Variants in KCTD16 observed in about 807,000 individuals in gnomAD.
KCTD16 encodes potassium channel tetramerization domain containing 16, also known as BTB/POZ domain-containing protein KCTD16.
KCTD16 carries 13 observed loss-of-function variants against 33.2 expected under a neutral mutation model. That is an observed-to-expected ratio of 0.39 (90% CI 0.25 to 0.62). The LOEUF is 0.62. Among genes scored for constraint, KCTD16 ranks in the 20% least tolerant of loss-of-function variants. The pLI is 0.50. For synonymous variants in KCTD16, 197 were observed against 195.3 expected, an observed-to-expected ratio of 1.01 and a Z score of -0.07; for missense variants, 441 against 525.1, an observed-to-expected ratio of 0.84 and a Z score of 1.57.
chr5:144,430,778 T>C (rs1483366646), intron 3 of KCTD16, among the ~76,000 whole-genome samples: 2 of 151,658 alleles, frequency 1.3e-5, no homozygotes, highest in Non-Finnish European at 2.9e-5. Flanking sequence ...GTGAGGATAC[T>C]GATCCAGCCT....
intron 3 of KCTD16, among the ~76,000 whole-genome samples, chr5:144,323,312 C>A (rs1752123628): frequency 6.6e-6 from 1 of 152,034 alleles, no homozygotes. Context: ...TTATTGAATA[C>A]CATGTAAGTC....
chr5:144,184,438 C>G (rs547794627), intron 2 of KCTD16, among the ~76,000 whole-genome samples: 1 of 152,264 alleles, frequency 6.6e-6, no homozygotes, highest in African/African-American at 2.4e-5. Flanking sequence ...TTGCTTCCAT[C>G]TTTTAGCTCT....
intron 3 of KCTD16, among the ~76,000 whole-genome samples, chr5:144,330,232 G>A (rs532852139): frequency 2.8e-4 from 42 of 152,004 alleles, no homozygotes; most frequent in Non-Finnish European, 5.6e-4. Flanking sequence ...GACCAATATG[G>A]TGAAACCCCG....
chr5:144,427,052 A>G (rs889736771), intron 3 of KCTD16, among the ~76,000 whole-genome samples: 2 of 152,104 alleles, frequency 1.3e-5, no homozygotes, highest in African/African-American at 4.8e-5. Context: ...TTCCTGGAAC[A>G]CTTTGGCCTA....
At chr5:144,187,611 T>C (rs1490540816) in intron 2 of KCTD16, among the ~76,000 whole-genome samples, 1 of 152,242 alleles carries the variant, frequency 6.6e-6, no homozygotes, top group Non-Finnish European at 1.5e-5. Flanking sequence ...CACTGAATCA[T>C]TAATGACTTG....
intron 3 of KCTD16, among the ~76,000 whole-genome samples, chr5:144,277,300 C>T (rs894502018): frequency 1.3e-5 from 2 of 152,038 alleles, no homozygotes; most frequent in African/African-American, 2.4e-5. Context: ...ATGATGATGA[C>T]GACGATGATG....
chr5:144,276,320 A>G (rs1280339889), intron 3 of KCTD16, among the ~76,000 whole-genome samples: 6 of 152,170 alleles, frequency 3.9e-5, no homozygotes, highest in African/African-American at 1.4e-4. Context: ...TTATAGCTTT[A>G]GTTCACTTAT....
At chr5:144,419,109 A>T (rs896036662) in intron 3 of KCTD16, among the ~76,000 whole-genome samples, 1 of 151,896 alleles carries the variant, frequency 6.6e-6, no homozygotes, top group African/African-American at 2.4e-5. Context: ...TCAAAATACT[A>T]CTCTTACGAT....
chr5:144,474,009 G>A lies in KCTD16; in HGVS notation c.1182G>A (p.Glu394=). ...AAGAAAAGCTCTCAATTGAGGAGGA[G>A]CTGGAGAAATGTATCCAGGATTTCC... ...AVKEKLSIEE[E]LEKCIQDFLK... Residue 394 remains glutamate (E), a synonymous_variant, in exon 4 of 4, where the codon GAG becomes GAA. Coordinates refer to ENST00000512467, the MANE Select transcript of KCTD16 (RefSeq NM_020768.4). The A allele has an allele frequency of 2.5e-6, 4 of 1,614,090 alleles. No homozygotes were observed. Among genetic ancestry groups the A allele is most frequent in the Non-Finnish European group, 3.4e-6 (4 of 1,180,010 alleles).
At chr5:144,391,580 C>T (rs1431491042) in intron 3 of KCTD16, among the ~76,000 whole-genome samples, 2 of 152,186 alleles carry the variant, frequency 1.3e-5, no homozygotes, top group African/African-American at 4.8e-5. Flanking sequence ...TCTAATTCAC[C>T]TTCCAGCTTT....
At chr5:144,369,181 C>T (rs1239935534) in intron 3 of KCTD16, among the ~76,000 whole-genome samples, 1 of 152,112 alleles carries the variant, frequency 6.6e-6, no homozygotes, top group African/African-American at 2.4e-5. Context: ...TCAGTCAGCC[C>T]GTCACAGCCT....
chr5:144,355,376 C>T (rs1751548380), intron 3 of KCTD16, among the ~76,000 whole-genome samples: 2 of 152,144 alleles, frequency 1.3e-5, no homozygotes, highest in Non-Finnish European at 2.9e-5. Flanking sequence ...ATTCAGAAGA[C>T]AGCAATTTAC....
At chr5:144,361,523 C>T (rs1751712733) in intron 3 of KCTD16, among the ~76,000 whole-genome samples, 1 of 152,166 alleles carries the variant, frequency 6.6e-6, no homozygotes, top group Non-Finnish European at 1.5e-5. Flanking sequence ...TCAGGAATTC[C>T]TCACTGCTGA....
chr5:144,440,141 T>C (rs1011415697), intron 3 of KCTD16, among the ~76,000 whole-genome samples: 1 of 152,104 alleles, frequency 6.6e-6, no homozygotes, highest in Non-Finnish European at 1.5e-5. Flanking sequence ...ACACAACCCC[T>C]TTGTCCACCA....
In KCTD16 at chr5:144,206,553, A is replaced by T; in HGVS notation, c.-162A>T. 1 of 639,972 alleles carries T rather than the reference A, an allele frequency of 1.6e-6. No individual in the cohort carries two copies. Among genetic ancestry groups the T allele is most frequent in the Non-Finnish European group, 2.7e-6 (1 of 369,076 alleles). The allele number at this position is 639,972 out of a possible 1,614,324, so 39.6% of individuals were successfully genotyped here. A position where few individuals can be genotyped will look rare whatever the true frequency, so the allele number is the denominator to read the frequency against. ...CATCACTTCACCTGTGGACTCTTAT[A>T]CATTTTGATTTCTTGGGGGAAAAAT... On this transcript the variant is annotated 5_prime_UTR_variant, in exon 3 of 4. Coordinates refer to ENST00000512467, the MANE Select transcript of KCTD16 (RefSeq NM_020768.4).
intron 2 of KCTD16, among the ~76,000 whole-genome samples, chr5:144,197,155 A>G (rs1470663628): frequency 2.0e-5 from 3 of 152,224 alleles, no homozygotes; most frequent in African/African-American, 7.2e-5. Flanking sequence ...TTGACAAAAT[A>G]CTTTTTCAGT....
At chr5:144,413,230 G>C (rs1233696273) in intron 3 of KCTD16, among the ~76,000 whole-genome samples, 2 of 152,198 alleles carry the variant, frequency 1.3e-5, no homozygotes, top group East Asian at 3.9e-4. Flanking sequence ...CCCCTACTAA[G>C]AGGAGATTAG....
At chr5:144,287,139 G>A (rs913889188) in intron 3 of KCTD16, among the ~76,000 whole-genome samples, 6 of 152,138 alleles carry the variant, frequency 3.9e-5, no homozygotes, top group Non-Finnish European at 8.8e-5. Flanking sequence ...AAAGAGAGAG[G>A]GAAGGAGGTT....
chr5:144,330,273 C>T (rs566500681), intron 3 of KCTD16, among the ~76,000 whole-genome samples: 126 of 151,892 alleles, frequency 8.3e-4, no homozygotes, highest in African/African-American at 2.8e-3. Flanking sequence ...ATTAGCCACG[C>T]GAGTTGGTGC....
Sources: gnomAD v4.1 joint callset for allele counts (sites outside exome capture counted in the v4.1 genomes callset) on GRCh38, gnomAD v4.1.1 for gene constraint, MANE v1.5 for transcripts, NCBI Gene and HGNC (gene_info 2026-07-23, HGNC 2026-07-21) for gene names.